GRIK1: variants seen among roughly 807,000 people sequenced by gnomAD.
GRIK1 encodes glutamate receptor ionotropic, kainate 1.
Under a neutral mutation model 105.7 loss-of-function variants are expected in GRIK1, and 69 were observed. That is an observed-to-expected ratio of 0.65 (90% CI 0.54 to 0.80). GRIK1 has a LOEUF of 0.80. Among genes scored for constraint, GRIK1 ranks in the 30% least tolerant of loss-of-function variants. GRIK1 has a pLI of 0.00. For synonymous variants in GRIK1, 438 were observed against 431.3 expected (o/e 1.02, Z -0.19); for missense variants, 1,109 against 1,167.3 (o/e 0.95, Z 0.73).
At chr21:29,633,922 A>C (rs2062340226) in intron 7 of GRIK1, among the ~76,000 whole-genome samples, 1 of 152,208 alleles carries the variant, frequency 6.6e-6, no homozygotes, top group Non-Finnish European at 1.5e-5. Context: ...TGCCAGACCC[A>C]ATGTCATCTA....
intron 1 of GRIK1, chr21:29,861,723 T>C (rs754616896): frequency 1.9e-5 from 8 of 431,596 alleles, no homozygotes; most frequent in Non-Finnish European, 9.2e-6. Context: ...TTTGATTATA[T>C]GCATTTTTCT....
At chr21:29,658,078 A>G (rs1035787575) in intron 4 of GRIK1, among the ~76,000 whole-genome samples, 5 of 152,202 alleles carry the variant, frequency 3.3e-5, no homozygotes, top group African/African-American at 1.2e-4. Context: ...TTAGGGCGGT[A>G]TTGCTAGGAA....
intron 1 of GRIK1, among the ~76,000 whole-genome samples, chr21:29,726,276 T>A (rs181178833): frequency 3.0e-4 from 46 of 152,324 alleles, no homozygotes; most frequent in African/African-American, 1.1e-3. Context: ...TCTTGATGTA[T>A]TTTTAGGGTT....
chr21:29,563,605 A>G (rs2090538371), intron 14 of GRIK1, among the ~76,000 whole-genome samples: 1 of 152,196 alleles, frequency 6.6e-6, no homozygotes, highest in South Asian at 2.1e-4. Context: ...AGCCTTGCAA[A>G]GTCTGATAAT....
intron 16 of GRIK1, among the ~76,000 whole-genome samples, chr21:29,548,233 C>A (rs765411877): frequency 4.6e-5 from 7 of 152,184 alleles, no homozygotes; most frequent in Non-Finnish European, 7.3e-5. Flanking sequence ...CTGACAACAA[C>A]AAAGTTCAAA....
intron 1 of GRIK1, among the ~76,000 whole-genome samples, chr21:29,848,928 T>C (rs2068223276): frequency 6.6e-6 from 1 of 151,846 alleles, no homozygotes; most frequent in Non-Finnish European, 1.5e-5. Flanking sequence ...TTTTCGGAAC[T>C]TTCTCCCATG....
intron 1 of GRIK1, among the ~76,000 whole-genome samples, chr21:29,814,925 G>C (rs379509): frequency 1.3e-5 from 2 of 151,904 alleles, no homozygotes; most frequent in Non-Finnish European, 2.9e-5. Flanking sequence ...TCACTTACCC[G>C]CCTGTGCAAT....
chr21:29,733,864 T>G (rs1387554854), intron 1 of GRIK1, among the ~76,000 whole-genome samples: 1 of 152,172 alleles, frequency 6.6e-6, no homozygotes, highest in Non-Finnish European at 1.5e-5. Flanking sequence ...TTGTATGACA[T>G]TTTTAGTATA....
At chr21:29,860,620 G>A (rs761882787) in intron 1 of GRIK1, among the ~76,000 whole-genome samples, 14 of 152,228 alleles carry the variant, frequency 9.2e-5, no homozygotes, top group Non-Finnish European at 7.3e-5. Context: ...TGTTGACAAC[G>A]CCTTTGGCAA....
intron 1 of GRIK1, among the ~76,000 whole-genome samples, chr21:29,828,322 A>C (rs766750547): frequency 2.0e-5 from 3 of 152,018 alleles, no homozygotes; most frequent in Non-Finnish European, 2.9e-5. Flanking sequence ...TTATACCGAA[A>C]AACCTTAGTA....
At chr21:29,924,941 A>G (rs555204077) in intron 1 of GRIK1, among the ~76,000 whole-genome samples, 1 of 152,256 alleles carries the variant, frequency 6.6e-6, no homozygotes, top group Admixed American at 6.5e-5. Context: ...AAAAGCTCAG[A>G]CTCAAGGAGC....
intron 1 of GRIK1, among the ~76,000 whole-genome samples, chr21:29,754,557 T>C (rs1039156671): frequency 6.6e-6 from 1 of 152,208 alleles, no homozygotes; most frequent in African/African-American, 2.4e-5. Context: ...CTGTGAGGAA[T>C]AAATACAAAA....
At chr21:29,576,885 CT>C (rs879103483) in intron 14 of GRIK1, 78 bp downstream of exon 14, 943 of 712,534 alleles carry the variant, frequency 1.3e-3, no homozygotes, top group Non-Finnish European at 1.5e-3. Flanking sequence ...TTTTCTTTTT[CT>C]TTTTTTTTTC....
intron 1 of GRIK1, among the ~76,000 whole-genome samples, chr21:29,800,417 C>A (rs182500216): frequency 6.6e-6 from 1 of 152,302 alleles, no homozygotes; most frequent in East Asian, 1.9e-4. Context: ...AAAGAAGACA[C>A]CTTTATTAAG....
intron 1 of GRIK1, among the ~76,000 whole-genome samples, chr21:29,810,876 A>G (rs2066992152): frequency 6.6e-6 from 1 of 152,174 alleles, no homozygotes; most frequent in Non-Finnish European, 1.5e-5. Context: ...AGGTTCAGAT[A>G]ACAACAAAGG....
intron 1 of GRIK1, among the ~76,000 whole-genome samples, chr21:29,821,491 G>A (rs1329677751): frequency 3.9e-5 from 6 of 152,018 alleles, no homozygotes; most frequent in African/African-American, 1.4e-4. Flanking sequence ...TAAACAGGAT[G>A]AAAAACACAT....
intron 7 of GRIK1, 37 bp from the exon 8 acceptor site, chr21:29,598,974 C>G (rs1313176273): frequency 1.1e-6 from 1 of 904,996 alleles, no homozygotes; most frequent in African/African-American, 1.7e-5. Context: ...TATTGTTAAA[C>G]ATTTATCATA....
intron 1 of GRIK1, among the ~76,000 whole-genome samples, chr21:29,824,856 G>A (rs1008142547): frequency 6.6e-6 from 1 of 152,002 alleles, no homozygotes. Context: ...CTTCGCTGTG[G>A]AGAATAGATA....
intron 1 of GRIK1, among the ~76,000 whole-genome samples, chr21:29,792,412 G>A (rs2066443833): frequency 6.6e-6 from 1 of 152,132 alleles, no homozygotes; most frequent in Non-Finnish European, 1.5e-5. Flanking sequence ...ATTACTTCCT[G>A]AAGGTGCATT....
Sources: allele counts gnomAD v4.1 joint callset (sites outside exome capture counted in the v4.1 genomes callset), GRCh38; gene constraint gnomAD v4.1.1; transcripts MANE v1.5; gene names NCBI Gene and HGNC (gene_info 2026-07-23, HGNC 2026-07-21).